Variants in AFG3L2 observed in about 807,000 individuals in gnomAD.
The protein encoded by AFG3L2 is AFG3 like matrix AAA peptidase subunit 2.
A neutral mutation model predicts 94.5 loss-of-function variants in AFG3L2; 54 were observed. That is an observed-to-expected ratio of 0.57 (90% CI 0.46 to 0.72). The LOEUF (loss-of-function observed/expected upper bound fraction) is 0.72, where lower values mean the gene tolerates loss of function less well. AFG3L2 is among the 30% of genes least tolerant of loss of function. AFG3L2 has a pLI of 0.00. For missense variants in AFG3L2, 754 were observed against 994.9 expected (o/e 0.76, Z 3.26); for synonymous variants, 377 against 365.5 (o/e 1.03, Z -0.36).
At chr18:12,358,519 G>A (rs1908561699) in intron 8 of AFG3L2, 151 bp downstream of exon 8, 1 of 1,004,048 alleles carries the variant, frequency 1.0e-6, no homozygotes, top group Non-Finnish European at 1.5e-6. Flanking sequence ...GACCCAAAAC[G>A]ATCCTCGAGT....
intron 15 of AFG3L2, among the ~76,000 whole-genome samples, chr18:12,338,659 G>T (rs147685906): frequency 6.6e-6 from 1 of 152,174 alleles, no homozygotes; most frequent in East Asian, 1.9e-4. Context: ...GAGAGCAGCA[G>T]AACAAATTTC....
chr18:12,367,454 A>G, intron 3 of AFG3L2, 72 bp from the exon 4 acceptor site: 2 of 1,393,986 alleles, frequency 1.4e-6, no homozygotes, highest in Non-Finnish European at 2.0e-6. Context: ...CTTCATGTAT[A>G]CGGTTTAATA....
chr18:12,365,913 C>T lies in AFG3L2; in HGVS notation c.552+1052G>A, dbSNP rs1040264490. The stretch of plus-strand genomic sequence containing the variant: ...TTTTTGAGATGGAGTCTCGCTCTGT[C>T]GCCCAGGCTGGAGTGCAGTGGTGCA... On this transcript the variant is annotated intron_variant, in intron 5 of 16. Coordinates refer to ENST00000269143, the MANE Select transcript of AFG3L2 (RefSeq NM_006796.3). Among the ~76,000 whole-genome samples the T allele has an allele frequency of 4.6e-5, 6 of 129,196 alleles. No homozygotes were observed. In the East Asian group the frequency reaches 9.3e-4, roughly 20 times the overall value. The allele number at this position is 129,196 out of a possible 152,430, so 84.8% of individuals were successfully genotyped here.
intron 3 of AFG3L2, among the ~76,000 whole-genome samples, chr18:12,367,958 G>A (rs1044313195): frequency 2.6e-5 from 4 of 152,030 alleles, no homozygotes; most frequent in Non-Finnish European, 5.9e-5. Context: ...ACCTGAGGTC[G>A]GGAGTTTGAG....
chr18:12,357,090 G>A (rs1420250329), intron 8 of AFG3L2, among the ~76,000 whole-genome samples: 1 of 152,032 alleles, frequency 6.6e-6, no homozygotes, highest in African/African-American at 2.4e-5. Context: ...CTGATTTTTA[G>A]ACCTTTAGTC....
chr18:12,351,219 A>G lies in AFG3L2; in HGVS notation c.1427-9T>C. ...TTTTATGTCTGGTGGTCCTTTAGAA[A>G]TCATTTTTAAGGAAAAGAAAATCAT... On this transcript the variant is annotated splice_polypyrimidine_tract_variant and intron_variant, in intron 11 of 16. Transcript: ENST00000269143. The G allele has an allele frequency of 6.2e-7, 1 of 1,614,088 alleles. No homozygotes were observed. Among genetic ancestry groups the G allele is most frequent in the Non-Finnish European group, 8.5e-7 (1 of 1,180,010 alleles).
chr18:12,363,196 A>C (rs1483251306), intron 6 of AFG3L2, among the ~76,000 whole-genome samples: 1 of 152,176 alleles, frequency 6.6e-6, no homozygotes, highest in East Asian at 1.9e-4. Flanking sequence ...AAGGGAGCCT[A>C]GCAAGTCCTG....
At chr18:12,366,870 G>T in intron 5 of AFG3L2, 95 bp downstream of exon 5, 1 of 1,503,108 alleles carries the variant, frequency 6.7e-7, no homozygotes, top group Non-Finnish European at 9.3e-7. Flanking sequence ...TACAATGGAC[G>T]AGCCAGGTTA....
At chr18:12,332,394 T>C (rs1269076021) in intron 16 of AFG3L2, among the ~76,000 whole-genome samples, 1 of 152,158 alleles carries the variant, frequency 6.6e-6, no homozygotes, top group Non-Finnish European at 1.5e-5. Context: ...CCACTGCACC[T>C]GGCCAGACTT....
Position 12,348,161 on chromosome 18 carries a change from G to T in AFG3L2, c.1663+112C>A, listed in dbSNP as rs932070684. ...GAGAGCACAAATGTGGTGGGCCCCA[G>T]GGCTGAGTGGATACACTTTCTTTGC... On this transcript the variant is annotated intron_variant, in intron 13 of 16. Coordinates refer to ENST00000269143, the MANE Select transcript of AFG3L2 (RefSeq NM_006796.3). 1.4e-4 allele frequency: 128 copies of T among 887,060 alleles called. 4 individuals carry two copies. The South Asian group carries it at 1.6e-3, about 11-fold the overall frequency. 54.9% of individuals were successfully genotyped at this position (887,060 alleles called of 1,614,324 possible).
chr18:12,376,757 C>A (rs570609577), intron 1 of AFG3L2, among the ~76,000 whole-genome samples: 50 of 152,376 alleles, frequency 3.3e-4, no homozygotes, highest in Middle Eastern at 3.4e-3. Context: ...TGAAGCTGCG[C>A]GTTTTCAAAA....
rs776352499 is a variant in AFG3L2, at chr18:12,371,684, C to T, written c.122G>A (p.Arg41Gln). 16 of 1,613,510 alleles carry T rather than the reference C, an allele frequency of 9.9e-6. No homozygotes were observed. The highest frequency in any genetic ancestry group is 5.5e-5 in the South Asian group (5 of 91,062). The change falls in exon 2 of 17, where the codon CGA (arginine) becomes CAA (glutamine). Residue 41 changes from arginine to glutamine, a missense_variant. Arg to Gln is a conservative substitution (Grantham distance 43, BLOSUM62 1). This residue lies in a region of AFG3L2 where 236 missense variants were observed against 214.0 expected (regional missense o/e 1.10). Transcript: ENST00000269143. ...GEQPCLRTLY[R>Q]FVTTQARASR... is the part of the protein sequence containing the mutation. ...GGCCCTTGCTTGAGTTGTAACAAATCGGTAAAGCTGCAACAAGACATAAAA... is the reference window on the plus strand; with the variant it reads ...GGCCCTTGCTTGAGTTGTAACAAATTGGTAAAGCTGCAACAAGACATAAAA...
At chr18:12,350,952 A>G (rs1395911551) in intron 12 of AFG3L2, 133 bp downstream of exon 12, 4 of 1,261,088 alleles carry the variant, frequency 3.2e-6, no homozygotes, top group Non-Finnish European at 4.5e-6. Context: ...GTCTCAAAAA[A>G]AATAAAAATG....
Position 12,376,032 on chromosome 18 carries a change from T to C in AFG3L2, c.114+937A>G, listed in dbSNP as rs1438821965. On this transcript the variant is annotated intron_variant, in intron 1 of 16. Transcript: ENST00000269143. Reference sequence around the variant, plus strand: ...TCGTAGATCGGAGGGTCTGCTACCCTACCCAAGCTGGTTTCCAACTCCTGG... The same window carrying C: ...TCGTAGATCGGAGGGTCTGCTACCCCACCCAAGCTGGTTTCCAACTCCTGG... 2.0e-5 allele frequency among the ~76,000 whole-genome samples: 3 copies of C among 152,170 alleles called. No homozygotes were observed. In the East Asian group the frequency reaches 5.8e-4, roughly 29 times the overall value.
intron 8 of AFG3L2, among the ~76,000 whole-genome samples, chr18:12,357,645 T>C (rs1008655078): frequency 3.9e-5 from 6 of 152,164 alleles, no homozygotes; most frequent in Admixed American, 3.9e-4. Context: ...TTGTCCAGGC[T>C]GGAGTGCAAT....
At chr18:12,332,052 T>C (rs1347471015) in intron 16 of AFG3L2, among the ~76,000 whole-genome samples, 1 of 151,916 alleles carries the variant, frequency 6.6e-6, no homozygotes, top group Non-Finnish European at 1.5e-5. Flanking sequence ...GGGAACAGTG[T>C]TTATGTTAGA....
chr18:12,377,201 G>C lies in AFG3L2; in HGVS notation c.-119C>G. ...GGCCGCCAGGCAGCGAAGCGCGCCGGCGGCTCACGGAGGAGCCCAAGCTCT... is the reference window on the plus strand; with the variant it reads ...GGCCGCCAGGCAGCGAAGCGCGCCGCCGGCTCACGGAGGAGCCCAAGCTCT... On this transcript the variant is annotated 5_prime_UTR_variant, in exon 1 of 17. Coordinates refer to ENST00000269143, the MANE Select transcript of AFG3L2 (RefSeq NM_006796.3). 1 of 785,818 alleles carries C rather than the reference G, an allele frequency of 1.3e-6. No homozygotes were observed. Among genetic ancestry groups the C allele is most frequent in the Non-Finnish European group, 1.9e-6 (1 of 515,822 alleles). The allele number at this position is 785,818 out of a possible 1,614,324, so 48.7% of individuals were successfully genotyped here. A position where few individuals can be genotyped will look rare whatever the true frequency, so the allele number is the denominator to read the frequency against.
In AFG3L2 at chr18:12,343,950, T is replaced by C. The variant is rs1267376022; in HGVS notation, c.1779+182A>G. On this transcript the variant is annotated intron_variant, in intron 14 of 16. Transcript: ENST00000269143. ...TGTGGTCCCTTTAAATAATTTTCTGTCCAAATTTTATATTTATCTATGGGA... is the reference window on the plus strand; with the variant it reads ...TGTGGTCCCTTTAAATAATTTTCTGCCCAAATTTTATATTTATCTATGGGA... The C allele has an allele frequency of 9.5e-6, 6 of 633,376 alleles. No individual in the cohort carries two copies. The African/African-American group carries it at 1.1e-4, about 12-fold the overall frequency. The allele number at this position is 633,376 out of a possible 1,614,324, so 39.2% of individuals were successfully genotyped here.
chr18:12,375,476 T>C (rs1909123006), intron 1 of AFG3L2, among the ~76,000 whole-genome samples: 1 of 151,016 alleles, frequency 6.6e-6, no homozygotes, highest in South Asian at 2.1e-4. Context: ...ATTCCAACAC[T>C]TTGAGAGGAG....
Sources: allele counts gnomAD v4.1 joint callset (sites outside exome capture counted in the v4.1 genomes callset), GRCh38; gene constraint gnomAD v4.1.1; regional missense constraint gnomAD v4.1.1; transcripts MANE v1.5; gene names NCBI Gene and HGNC (gene_info 2026-07-23, HGNC 2026-07-21).